TUBB6: variants seen among roughly 807,000 people sequenced by gnomAD.
TUBB6 encodes tubulin beta 6 class V.
TUBB6 carries 18 observed loss-of-function variants against 32.3 expected under a neutral mutation model. The observed-to-expected ratio is 0.56, with a 90% CI of 0.39 to 0.83. The LOEUF is 0.83. Among genes scored for constraint, TUBB6 ranks in the 40% least tolerant of loss-of-function variants. The pLI, the probability that TUBB6 is intolerant of heterozygous loss-of-function variation, is 0.00. For synonymous variants in TUBB6, 280 were observed against 265.8 expected (o/e 1.05, Z -0.52); for missense variants, 480 against 632.0 (o/e 0.76, Z 2.58).
At chr18:12,324,817 C>CT in intron 3 of TUBB6, 1 of 1,329,664 alleles carries the variant, frequency 7.5e-7, no homozygotes, top group Non-Finnish European at 9.6e-7. Context: ...AGAATTACCT[C>CT]TTTAACATGG....
Position 12,310,882 on chromosome 18 carries a change from G to A in TUBB6, c.167-61G>A, listed in dbSNP as rs1906338205. 3.3e-6 allele frequency: 4 copies of A among 1,200,990 alleles called. No individual in the cohort carries two copies. In the African/African-American group the frequency reaches 6.1e-5, roughly 18 times the overall value. 74.4% of individuals were successfully genotyped at this position (1,200,990 alleles called of 1,614,324 possible). A position where few individuals can be genotyped will look rare whatever the true frequency, so the allele number is the denominator to read the frequency against. On this transcript the variant is annotated intron_variant, in intron 2 of 3. Transcript: ENST00000317702. The stretch of plus-strand genomic sequence containing the variant: ...CTAGAACTGGTGGGACTTGAAACGG[G>A]GAAGTCAATTACTTTAGAAACCTGA...
rs8087840 is a variant in TUBB6, at chr18:12,308,244, T to A, written c.-49T>A. On this transcript the variant is annotated 5_prime_UTR_variant, in exon 1 of 4. Transcript: ENST00000317702. ...GGGACGCGCGCAGCCGGCCCGCAGT[T>A]GCCGCTGTCGTCCGCAGAGCCAGTT... 1,021,233 of 1,335,354 alleles carry A rather than the reference T, an allele frequency of 0.76. 395,444 individuals are homozygous for A. The highest frequency in any genetic ancestry group is 0.79 in the Non-Finnish European group (816,801 of 1,032,450). The allele number at this position is 1,335,354 out of a possible 1,614,324, so 82.7% of individuals were successfully genotyped here.
At chr18:12,313,166 C>T (rs547568873) in intron 3 of TUBB6, among the ~76,000 whole-genome samples, 3 of 152,218 alleles carry the variant, frequency 2.0e-5, no homozygotes, top group East Asian at 3.9e-4. Flanking sequence ...GCATTTCCAG[C>T]AGAATTAGGT....
chr18:12,318,756 T>TTTTGTTTGTTTGTTTG (rs56312490), intron 3 of TUBB6, among the ~76,000 whole-genome samples: 4 of 150,420 alleles, frequency 2.7e-5, no homozygotes, highest in Non-Finnish European at 5.9e-5. Context: ...AAATGTGTGG[T>TTTTGTTTGTTTGTTTG]TTTGTTTGTT....
intron 3 of TUBB6, among the ~76,000 whole-genome samples, chr18:12,323,763 G>A (rs1409877223): frequency 6.6e-6 from 1 of 151,640 alleles, no homozygotes; most frequent in East Asian, 1.9e-4. Context: ...AGCCGAGATC[G>A]CACCACTGCA....
At chr18:12,308,551 A>T (rs1906138710) in intron 1 of TUBB6, 136 bp from the exon 2 acceptor site, 15 of 766,396 alleles carry the variant, frequency 2.0e-5, no homozygotes, top group Non-Finnish European at 2.9e-5. Context: ...CCCCACCCCC[A>T]TCCCAACTGG....
At position 12,311,264 on chromosome 18, in the gene TUBB6, T is replaced by C. The variant is rs186891710; in HGVS notation, c.277+211T>C. The C allele has an allele frequency of 9.5e-6, 4 of 419,254 alleles. No homozygotes were observed. In the Admixed American group the frequency reaches 1.6e-4, roughly 17 times the overall value. 26.0% of individuals were successfully genotyped at this position (419,254 alleles called of 1,614,324 possible). On this transcript the variant is annotated intron_variant, in intron 3 of 3. Transcript: ENST00000317702. ...TTTTTGGTGGGAAGGAACCTCTATATCTCTAAATGAAATTCTTCTACTGGT... is the reference window on the plus strand; with the variant it reads ...TTTTTGGTGGGAAGGAACCTCTATACCTCTAAATGAAATTCTTCTACTGGT...
intron 3 of TUBB6, among the ~76,000 whole-genome samples, chr18:12,314,000 G>T (rs952021450): frequency 2.6e-5 from 4 of 152,254 alleles, no homozygotes; most frequent in Admixed American, 2.6e-4. Context: ...AAAGGAAAAA[G>T]GACGATCCTA....
At position 12,325,733 on chromosome 18, in the gene TUBB6, C is replaced by T; in HGVS notation, c.944C>T (p.Thr315Ile). 6.2e-7 allele frequency: 1 copy of T among 1,614,228 alleles called. No homozygotes were observed. Among genetic ancestry groups the T allele is most frequent in the Non-Finnish European group, 8.5e-7 (1 of 1,180,044 alleles). ...CATGGCCGCTACCTGACCGTGGCCA[C>T]CGTGTTCCGCGGGCCCATGTCCATG... Reference protein sequence around the residue: ...PRHGRYLTVATVFRGPMSMKE... With the variant: ...PRHGRYLTVAIVFRGPMSMKE... Residue 315 changes from threonine (T) to isoleucine (I), a missense_variant, in exon 4 of 4, where the codon ACC becomes ATC. Physicochemically the swap from Thr to Ile is moderately conservative, Grantham distance 89 (BLOSUM62 -1). Transcript: ENST00000317702.
intron 3 of TUBB6, among the ~76,000 whole-genome samples, chr18:12,319,935 C>T (rs1336166803): frequency 1.3e-5 from 2 of 151,906 alleles, no homozygotes; most frequent in South Asian, 2.1e-4. Flanking sequence ...TACAGGCGCC[C>T]GCCACCATGC....
chr18:12,312,269 C>A (rs569880114), intron 3 of TUBB6, among the ~76,000 whole-genome samples: 1 of 152,212 alleles, frequency 6.6e-6, no homozygotes, highest in South Asian at 2.1e-4. Context: ...ATGCAAAAAT[C>A]CAAAATAAAA....
chr18:12,317,257 T>G (rs778865190), intron 3 of TUBB6, among the ~76,000 whole-genome samples: 1 of 151,532 alleles, frequency 6.6e-6, no homozygotes, highest in East Asian at 1.9e-4. Context: ...AGCCCAGGAG[T>G]TGAAGGTCAG....
chr18:12,308,931 CCT>C, intron 2 of TUBB6, 136 bp downstream of exon 2: 1 of 644,532 alleles, frequency 1.6e-6, no homozygotes, highest in Non-Finnish European at 2.9e-6. Context: ...TCCCTTCGCT[CCT>C]CCGGGGCGGG....
intron 3 of TUBB6, among the ~76,000 whole-genome samples, chr18:12,312,632 A>G (rs1339681685): frequency 1.3e-5 from 2 of 152,210 alleles, no homozygotes; most frequent in Non-Finnish European, 2.9e-5. Flanking sequence ...ATTAAAGACA[A>G]CATCTTAATA....
chr18:12,323,804 G>A lies in TUBB6; in HGVS notation c.278-1263G>A, dbSNP rs371241572. Among the ~76,000 whole-genome samples the A allele has an allele frequency of 2.3e-4, 35 of 151,210 alleles. No individual in the cohort carries two copies. The East Asian group carries it at 6.0e-3, about 26-fold the overall frequency. On this transcript the variant is annotated intron_variant, in intron 3 of 3. Coordinates refer to ENST00000317702, the MANE Select transcript of TUBB6 (RefSeq NM_032525.3). Reference sequence around the variant, plus strand: ...AGCCTGGGTGGCAGAGCAAGACTCCGTCTCAAAAAAAAAAAGCACCATTAT... The same window carrying A: ...AGCCTGGGTGGCAGAGCAAGACTCCATCTCAAAAAAAAAAAGCACCATTAT...
chr18:12,315,379 C>A (rs1598803194), intron 3 of TUBB6, among the ~76,000 whole-genome samples: 1 of 152,198 alleles, frequency 6.6e-6, no homozygotes, highest in Admixed American at 6.5e-5. Flanking sequence ...AGCAAAATTA[C>A]TGGGTCAAAG....
At chr18:12,308,904 G>T in intron 2 of TUBB6, 109 bp downstream of exon 2, 1 of 730,378 alleles carries the variant, frequency 1.4e-6, no homozygotes, top group Non-Finnish European at 2.5e-6. Flanking sequence ...TCGGGGTGTA[G>T]CAGGATGCCC....
downstream of TUBB6, among the ~76,000 whole-genome samples, chr18:12,328,233 C>G (rs779322326): frequency 6.6e-6 from 1 of 152,234 alleles, no homozygotes; most frequent in Non-Finnish European, 1.5e-5. Context: ...AGGGATGCCA[C>G]TAGATTGTGT....
intron 3 of TUBB6, among the ~76,000 whole-genome samples, chr18:12,321,504 G>A (rs1184414024): frequency 6.6e-6 from 1 of 152,182 alleles, no homozygotes; most frequent in African/African-American, 2.4e-5. Context: ...TTGCTTACCC[G>A]ATGTAGCACT....
Sources: allele counts gnomAD v4.1 joint callset (sites outside exome capture counted in the v4.1 genomes callset), GRCh38; gene constraint gnomAD v4.1.1; transcripts MANE v1.5; gene names NCBI Gene and HGNC (gene_info 2026-07-23, HGNC 2026-07-21).